Variants in NUS1 observed in about 807,000 individuals in gnomAD.
The protein encoded by NUS1 is dehydrodolichyl diphosphate synthase complex subunit NUS1.
For synonymous variants in NUS1, 135 were observed against 155.2 expected, an observed-to-expected ratio of 0.87 and a Z score of 0.97; for missense variants, 292 against 382.9, an observed-to-expected ratio of 0.76 and a Z score of 1.98.
intron 1 of NUS1, among the ~76,000 whole-genome samples, chr6:117,688,692 C>T (rs1359505028): frequency 6.6e-6 from 1 of 152,168 alleles, no homozygotes; most frequent in Non-Finnish European, 1.5e-5. Flanking sequence ...TGGCTTTGTT[C>T]ACTCTCGGAT....
intron 1 of NUS1, among the ~76,000 whole-genome samples, chr6:117,689,842 A>T (rs1416938825): frequency 6.6e-6 from 1 of 152,204 alleles, no homozygotes. Context: ...CTGGGATTAC[A>T]GGTGAGAGCC....
intron 2 of NUS1, 29 bp from the exon 3 acceptor site, chr6:117,694,002 T>A (rs1773280153): frequency 1.3e-6 from 2 of 1,590,036 alleles, no homozygotes; most frequent in Non-Finnish European, 1.7e-6. Flanking sequence ...AGAGTGTTTT[T>A]AAAATACATT....
chr6:117,676,133 C>T, intron 1 of NUS1, 48 bp downstream of exon 1: 3 of 1,549,148 alleles, frequency 1.9e-6, no homozygotes, highest in Non-Finnish European at 2.6e-6. Context: ...TCTTGGACCG[C>T]TAGACCGCTG....
intron 4 of NUS1, 28 bp downstream of exon 4, chr6:117,703,732 G>C (rs1773461575): frequency 8.0e-6 from 12 of 1,496,274 alleles, no homozygotes; most frequent in Non-Finnish European, 1.1e-5. Flanking sequence ...TACTGACTTT[G>C]TTTAGATTCA....
At chr6:117,681,277 T>C (rs1773058246) in intron 1 of NUS1, among the ~76,000 whole-genome samples, 1 of 152,248 alleles carries the variant, frequency 6.6e-6, no homozygotes, top group Non-Finnish European at 1.5e-5. Flanking sequence ...TATATGTGCA[T>C]AAACTTTCTT....
At chr6:117,684,075 C>T (rs953313811) in intron 1 of NUS1, among the ~76,000 whole-genome samples, 2 of 152,162 alleles carry the variant, frequency 1.3e-5, no homozygotes, top group Admixed American at 1.3e-4. Flanking sequence ...GTTGTGGTGT[C>T]CTAGAGTTTG....
chr6:117,678,946 T>A (rs1216711995), intron 1 of NUS1, among the ~76,000 whole-genome samples: 1 of 152,194 alleles, frequency 6.6e-6, no homozygotes, highest in Non-Finnish European at 1.5e-5. Context: ...CCTCCCAAAG[T>A]GCTGGGATTA....
Position 117,709,129 on chromosome 6 carries a change from C to T in NUS1, c.*2114C>T, listed in dbSNP as rs1245744651. 6.6e-6 allele frequency: 1 copy of T among 152,124 alleles called. No homozygotes were observed. Among genetic ancestry groups the T allele is most frequent in the African/African-American group, 2.4e-5 (1 of 41,442 alleles). The allele number at this position is 152,124 out of a possible 1,614,324, so 9.4% of individuals were successfully genotyped here. ...AACCTTCTCTTTATGAGTTCACCTG[C>T]TAGTACAATCTCCACAACTTGAATG... On this transcript the variant is annotated 3_prime_UTR_variant, in exon 5 of 5. Transcript: ENST00000368494.
intron 1 of NUS1, among the ~76,000 whole-genome samples, chr6:117,684,587 C>T (rs1773109269): frequency 6.6e-6 from 1 of 152,082 alleles, no homozygotes; most frequent in South Asian, 2.1e-4. Flanking sequence ...TAAAACCCTC[C>T]AACAGCTTCT....
intron 1 of NUS1, among the ~76,000 whole-genome samples, chr6:117,677,165 T>C (rs1237466340): frequency 1.3e-5 from 2 of 152,202 alleles, no homozygotes; most frequent in Admixed American, 6.5e-5. Flanking sequence ...GCTAGGCATA[T>C]TCCTTGGAAT....
intron 3 of NUS1, among the ~76,000 whole-genome samples, chr6:117,695,232 T>C (rs1253128947): frequency 3.2e-5 from 4 of 126,752 alleles, no homozygotes; most frequent in Non-Finnish European, 6.8e-5. Flanking sequence ...GAAAAAGAAA[T>C]GCATTTTCTA....
At chr6:117,688,072 A>C (rs1020473119) in intron 1 of NUS1, among the ~76,000 whole-genome samples, 5 of 152,196 alleles carry the variant, frequency 3.3e-5, no homozygotes, top group African/African-American at 1.2e-4. Flanking sequence ...AAAATAAAAA[A>C]ATTAGCTGGG....
At chr6:117,696,441 G>A (rs574609201) in intron 3 of NUS1, among the ~76,000 whole-genome samples, 9 of 151,902 alleles carry the variant, frequency 5.9e-5, no homozygotes, top group Non-Finnish European at 1.2e-4. Flanking sequence ...AGATTTAACC[G>A]AAAGATGACT....
At chr6:117,687,956 T>A (rs1007474250) in intron 1 of NUS1, among the ~76,000 whole-genome samples, 17 of 152,170 alleles carry the variant, frequency 1.1e-4, no homozygotes, top group Admixed American at 1.1e-3. Flanking sequence ...TGCTCATGCC[T>A]GTAATCCCAA....
intron 1 of NUS1, among the ~76,000 whole-genome samples, chr6:117,678,201 T>C (rs1773011196): frequency 6.6e-6 from 1 of 152,234 alleles, no homozygotes; most frequent in South Asian, 2.1e-4. Flanking sequence ...GCATTTTCAG[T>C]GAAAGGGCTT....
At chr6:117,699,545 A>G (rs2114691223) in intron 3 of NUS1, among the ~76,000 whole-genome samples, 1 of 152,306 alleles carries the variant, frequency 6.6e-6, no homozygotes, top group Non-Finnish European at 1.5e-5. Flanking sequence ...AAGAATCAAT[A>G]TTGTTAAAAC....
chr6:117,677,847 A>T (rs1380719614), intron 1 of NUS1, among the ~76,000 whole-genome samples: 1 of 152,242 alleles, frequency 6.6e-6, no homozygotes, highest in Non-Finnish European at 1.5e-5. Context: ...CAATGCAACC[A>T]GTTTTGCTTG....
At chr6:117,704,764 A>G (rs2114694630) in intron 4 of NUS1, among the ~76,000 whole-genome samples, 1 of 152,314 alleles carries the variant, frequency 6.6e-6, no homozygotes, top group Middle Eastern at 3.4e-3. Flanking sequence ...TAAGTTTTTA[A>G]GCTTAAGTGA....
At chr6:117,679,169 T>C (rs1247173830) in intron 1 of NUS1, among the ~76,000 whole-genome samples, 1 of 152,028 alleles carries the variant, frequency 6.6e-6, no homozygotes, top group East Asian at 1.9e-4. Context: ...AATATAGAAA[T>C]GCTAAGTGAA....
Sources: allele counts gnomAD v4.1 joint callset (sites outside exome capture counted in the v4.1 genomes callset), GRCh38; gene constraint gnomAD v4.1.1; transcripts MANE v1.5; gene names NCBI Gene and HGNC (gene_info 2026-07-23, HGNC 2026-07-21).